AFG1L: variants seen among roughly 807,000 people sequenced by gnomAD.
AFG1L encodes AFG1-like ATPase.
A neutral mutation model predicts 62.2 loss-of-function variants in AFG1L; 53 were observed. The observed-to-expected ratio is 0.85, with a 90% confidence interval of 0.68 to 1.07. The LOEUF (loss-of-function observed/expected upper bound fraction) is 1.07. Among genes scored for constraint, AFG1L ranks in the 50% least tolerant of loss-of-function variants. AFG1L has a pLI of 0.00. For synonymous variants in AFG1L, 228 were observed against 210.3 expected (o/e 1.08, Z -0.73); for missense variants, 555 against 590.5 (o/e 0.94, Z 0.62).
chr6:108,399,621 A>G (rs1406126763), intron 6 of AFG1L, among the ~76,000 whole-genome samples: 2 of 134,208 alleles, frequency 1.5e-5, no homozygotes, highest in East Asian at 4.3e-4. Context: ...TGTTATGTTG[A>G]TTTTGTGTCC....
chr6:108,485,421 C>T (rs535457727), intron 10 of AFG1L, among the ~76,000 whole-genome samples: 1 of 151,428 alleles, frequency 6.6e-6, no homozygotes, highest in African/African-American at 2.4e-5. Context: ...AAACTGTATA[C>T]TTTCAATATG....
At chr6:108,329,312 T>A (rs2114333298) in intron 2 of AFG1L, among the ~76,000 whole-genome samples, 1 of 152,162 alleles carries the variant, frequency 6.6e-6, no homozygotes, top group South Asian at 2.1e-4. Context: ...TTTTTTATTT[T>A]TTTTGAGACA....
chr6:108,365,788 G>A (rs953323014), intron 5 of AFG1L, among the ~76,000 whole-genome samples: 8 of 151,976 alleles, frequency 5.3e-5, no homozygotes, highest in Non-Finnish European at 1.0e-4. Context: ...CACCTTTCCA[G>A]GGACCTTTGC....
chr6:108,334,414 G>A (rs1407878303), intron 2 of AFG1L, among the ~76,000 whole-genome samples: 3 of 151,884 alleles, frequency 2.0e-5, no homozygotes, highest in Admixed American at 6.6e-5. Context: ...CTGAGGGGCC[G>A]GGTGTGGTGC....
At chr6:108,485,145 G>T (rs2114835092) in intron 10 of AFG1L, among the ~76,000 whole-genome samples, 1 of 152,254 alleles carries the variant, frequency 6.6e-6, no homozygotes, top group African/African-American at 2.4e-5. Context: ...GGACAATCCT[G>T]CCCAGCTTCT....
chr6:108,387,095 A>G (rs1475810911), intron 6 of AFG1L, among the ~76,000 whole-genome samples: 1 of 152,256 alleles, frequency 6.6e-6, no homozygotes, highest in Non-Finnish European at 1.5e-5. Context: ...TACTTTAAAA[A>G]TAAAGACACA....
At position 108,323,694 on chromosome 6, in the gene AFG1L, A is replaced by G. The variant is rs1193490227; in HGVS notation, c.140-131A>G. On this transcript the variant is annotated intron_variant, in intron 1 of 12. Transcript: ENST00000368977. Reference sequence around the variant, plus strand: ...ATTTTATATTATTTTTATCAAAATGACATTTACAAAAACTGCTCCAATAGA... The same window carrying G: ...ATTTTATATTATTTTTATCAAAATGGCATTTACAAAAACTGCTCCAATAGA... The G allele has an allele frequency of 8.1e-6, 5 of 619,288 alleles. No homozygotes were observed. The Admixed American group carries it at 1.2e-4, about 15-fold the overall frequency. The allele number at this position is 619,288 out of a possible 1,614,324, so 38.4% of individuals were successfully genotyped here. A position where few individuals can be genotyped will look rare whatever the true frequency, so the allele number is the denominator to read the frequency against.
At chr6:108,367,603 G>A (rs1340768614) in intron 6 of AFG1L, among the ~76,000 whole-genome samples, 2 of 152,160 alleles carry the variant, frequency 1.3e-5, no homozygotes, top group South Asian at 2.1e-4. Flanking sequence ...TACTGAGATG[G>A]GGAAGACTAC....
chr6:108,420,498 G>A (rs978941964), intron 7 of AFG1L, among the ~76,000 whole-genome samples: 1 of 150,382 alleles, frequency 6.6e-6, no homozygotes, highest in Non-Finnish European at 1.5e-5. Context: ...AAAATTGGCT[G>A]TAGTAACAGG....
chr6:108,375,535 A>C (rs1780205391), intron 6 of AFG1L, among the ~76,000 whole-genome samples: 1 of 152,078 alleles, frequency 6.6e-6, no homozygotes, highest in Non-Finnish European at 1.5e-5. Context: ...TTATCATGAA[A>C]GGATGTTGGA....
At chr6:108,401,717 G>A (rs937614382) in intron 6 of AFG1L, among the ~76,000 whole-genome samples, 5 of 152,100 alleles carry the variant, frequency 3.3e-5, no homozygotes, top group Non-Finnish European at 2.9e-5. Context: ...AATTTTGGAA[G>A]TGATACTTTC....
rs1554189666 is a variant in AFG1L at position 108,369,939 on chromosome 6, G to GATCTAT, written c.748+3607_748+3608insATCTAT. On this transcript the variant is annotated intron_variant, in intron 6 of 12. Coordinates refer to ENST00000368977, the MANE Select transcript of AFG1L (RefSeq NM_145315.5). Reference sequence around the variant, plus strand: ...ATTGATCTGGCTGGCTGGCTGGCTGGCTGGCTGGCTATCTATCTATCTATC... The same window carrying GATCTAT: ...ATTGATCTGGCTGGCTGGCTGGCTGGATCTATCTGGCTGGCTATCTATCTATCTATC... 5.5e-4 allele frequency among the ~76,000 whole-genome samples: 72 copies of GATCTAT among 131,586 alleles called. 2 individuals carry two copies. Among genetic ancestry groups the GATCTAT allele is most frequent in the East Asian group, 2.2e-3 (10 of 4,596 alleles). The allele number at this position is 131,586 out of a possible 152,430, so 86.3% of individuals were successfully genotyped here. A position where few individuals can be genotyped will look rare whatever the true frequency, so the allele number is the denominator to read the frequency against.
At chr6:108,484,585 T>G (rs2114833710) in intron 10 of AFG1L, among the ~76,000 whole-genome samples, 1 of 152,260 alleles carries the variant, frequency 6.6e-6, no homozygotes, top group East Asian at 1.9e-4. Flanking sequence ...CAATGCCAAA[T>G]TGGGGAATGC....
At chr6:108,389,391 T>G (rs1172883278) in intron 6 of AFG1L, among the ~76,000 whole-genome samples, 3 of 152,298 alleles carry the variant, frequency 2.0e-5, no homozygotes, top group Non-Finnish European at 2.9e-5. Flanking sequence ...AAAGTTAATA[T>G]TGTTATGTGT....
At chr6:108,506,700 G>A (rs1455113431) in intron 10 of AFG1L, among the ~76,000 whole-genome samples, 1 of 152,146 alleles carries the variant, frequency 6.6e-6, no homozygotes, top group Admixed American at 6.5e-5. Flanking sequence ...ATTATCTCCA[G>A]ATTATTTATA....
At chr6:108,509,656 G>A (rs1327880119) in intron 10 of AFG1L, among the ~76,000 whole-genome samples, 5 of 152,164 alleles carry the variant, frequency 3.3e-5, no homozygotes, top group Non-Finnish European at 5.9e-5. Context: ...CCGCACTCTT[G>A]TCTTCTCTCT....
intron 8 of AFG1L, among the ~76,000 whole-genome samples, chr6:108,461,952 A>G (rs1258998907): frequency 6.6e-6 from 1 of 151,776 alleles, no homozygotes; most frequent in Non-Finnish European, 1.5e-5. Flanking sequence ...AAAATTAGCC[A>G]GATGTGGTGG....
rs773539046 is a variant in AFG1L, at chr6:108,356,866, G to A, written c.648+46G>A. ...AGATATAGAATGGTATATTGAATGA[G>A]GTATGAAGATTTAAATTTTGCTCCT... On this transcript the variant is annotated intron_variant, in intron 5 of 12. Transcript: ENST00000368977. 9.4e-6 allele frequency: 14 copies of A among 1,483,396 alleles called. No individual in the cohort carries two copies. In the Admixed American group the frequency reaches 1.6e-4, roughly 17 times the overall value. 91.9% of individuals were successfully genotyped at this position (1,483,396 alleles called of 1,614,324 possible).
chr6:108,391,041 C>T (rs938998635), intron 6 of AFG1L, among the ~76,000 whole-genome samples: 5 of 152,148 alleles, frequency 3.3e-5, no homozygotes, highest in Admixed American at 6.6e-5. Context: ...GGGCTGGTTC[C>T]GTATTTTTGC....
Sources: allele counts gnomAD v4.1 joint callset (sites outside exome capture counted in the v4.1 genomes callset), GRCh38; gene constraint gnomAD v4.1.1; transcripts MANE v1.5; gene names NCBI Gene and HGNC (gene_info 2026-07-23, HGNC 2026-07-21).